Variants in LRFN5 observed in about 807,000 individuals in gnomAD.
LRFN5 encodes the protein leucine rich repeat and fibronectin type III domain containing 5.
A neutral mutation model predicts 45.6 loss-of-function variants in LRFN5; 24 were observed. That is an observed-to-expected ratio of 0.53 (90% CI 0.38 to 0.74). The LOEUF is 0.74. Among genes scored for constraint, LRFN5 ranks in the 30% least tolerant of loss-of-function variants. The pLI is 0.00. For missense variants in LRFN5, 776 were observed against 861.5 expected (o/e 0.90, Z 1.24); for synonymous variants, 340 against 313.8 (o/e 1.08, Z -0.88).
At chr14:41,619,835 T>C (rs1888057160) in intron 1 of LRFN5, among the ~76,000 whole-genome samples, 1 of 152,190 alleles carries the variant, frequency 6.6e-6, no homozygotes, top group East Asian at 1.9e-4. Context: ...ATGGGGCTAA[T>C]GTTGATGACC....
chr14:41,619,442 T>C (rs574748267), intron 1 of LRFN5, among the ~76,000 whole-genome samples: 2 of 152,182 alleles, frequency 1.3e-5, no homozygotes, highest in South Asian at 4.1e-4. Context: ...AGTGTTTGTA[T>C]TTTTAGTAAA....
At chr14:41,796,608 G>A (rs1293912421) in intron 2 of LRFN5, among the ~76,000 whole-genome samples, 1 of 151,674 alleles carries the variant, frequency 6.6e-6, no homozygotes, top group African/African-American at 2.4e-5. Context: ...ATTTTTGTTT[G>A]CATCTTATTA....
chr14:41,757,997 A>T (rs61992433), intron 1 of LRFN5, among the ~76,000 whole-genome samples: 23 of 152,066 alleles, frequency 1.5e-4, no homozygotes, highest in African/African-American at 4.1e-4. Context: ...GGACTATCCT[A>T]ATAGTATATT....
chr14:41,819,099 C>T (rs2139008631), intron 2 of LRFN5, among the ~76,000 whole-genome samples: 1 of 152,176 alleles, frequency 6.6e-6, no homozygotes, highest in East Asian at 1.9e-4. Context: ...TATAGTATTC[C>T]ATAGTATAAA....
intron 1 of LRFN5, among the ~76,000 whole-genome samples, chr14:41,611,288 G>T (rs528727220): frequency 9.2e-5 from 14 of 152,216 alleles, no homozygotes; most frequent in Non-Finnish European, 1.6e-4. Flanking sequence ...ATGCACAGAA[G>T]TTCCTAAGGC....
At chr14:41,837,683 T>TTTTTTTC (rs1888710872) in intron 2 of LRFN5, among the ~76,000 whole-genome samples, 3 of 152,278 alleles carry the variant, frequency 2.0e-5, no homozygotes, top group Admixed American at 2.0e-4. Context: ...GTTGTTCTTC[T>TTTTTTTC]AGAGACACTT....
At chr14:41,718,617 T>C (rs1279260999) in intron 1 of LRFN5, among the ~76,000 whole-genome samples, 1 of 152,198 alleles carries the variant, frequency 6.6e-6, no homozygotes, top group African/African-American at 2.4e-5. Context: ...CTCTCCGTGT[T>C]AGATGAGGTA....
intron 2 of LRFN5, among the ~76,000 whole-genome samples, chr14:41,844,970 T>C (rs983155778): frequency 6.6e-6 from 1 of 152,136 alleles, no homozygotes; most frequent in Non-Finnish European, 1.5e-5. Context: ...AGATTTTGGC[T>C]TCATGGAGGC....
At position 41,886,775 on chromosome 14, in the gene LRFN5, CAGA is replaced by C; in HGVS notation, c.155_157del (p.Arg52del). 6.2e-7 allele frequency: 1 copy of C among 1,614,092 alleles called. No individual in the cohort carries two copies. Among genetic ancestry groups the C allele is most frequent in the Non-Finnish European group, 8.5e-7 (1 of 1,180,022 alleles). Reference sequence around the variant, plus strand: ...TTTTATTTGTTCCACCAAACATTGACAGAAGAACTGTGGAACTGCGGTTGGCAG... The same window carrying C: ...TTTTATTTGTTCCACCAAACATTGACAGAACTGTGGAACTGCGGTTGGCAG... On this transcript the variant is annotated inframe_deletion, in exon 3 of 6. Coordinates refer to ENST00000298119, the MANE Select transcript of LRFN5 (RefSeq NM_152447.5).
chr14:41,616,310 G>A (rs2138547817), intron 1 of LRFN5, among the ~76,000 whole-genome samples: 1 of 152,186 alleles, frequency 6.6e-6, no homozygotes, highest in East Asian at 1.9e-4. Context: ...GGCATTTAAT[G>A]CATACTTGGA....
intron 2 of LRFN5, among the ~76,000 whole-genome samples, chr14:41,784,493 C>T (rs931360138): frequency 3.9e-5 from 6 of 151,952 alleles, no homozygotes; most frequent in Admixed American, 2.6e-4. Flanking sequence ...TTTTCTTCCT[C>T]GCAAAGACTC....
chr14:41,642,901 A>G (rs1163897135), intron 1 of LRFN5, among the ~76,000 whole-genome samples: 1 of 152,226 alleles, frequency 6.6e-6, no homozygotes, highest in Non-Finnish European at 1.5e-5. Flanking sequence ...ACACATAGTT[A>G]GCTGGTTAAA....
At chr14:41,624,207 A>G (rs765210651) in intron 1 of LRFN5, among the ~76,000 whole-genome samples, 5 of 152,078 alleles carry the variant, frequency 3.3e-5, no homozygotes, top group Non-Finnish European at 5.9e-5. Flanking sequence ...TGAAATATTT[A>G]ATATTTTAAG....
intron 1 of LRFN5, among the ~76,000 whole-genome samples, chr14:41,665,019 A>C (rs1354307898): frequency 1.3e-5 from 2 of 152,062 alleles, no homozygotes; most frequent in Non-Finnish European, 1.5e-5. Context: ...GACTTCTAAA[A>C]TGCTTATTTT....
chr14:41,757,735 C>T (rs539113818), intron 1 of LRFN5, among the ~76,000 whole-genome samples: 1 of 152,310 alleles, frequency 6.6e-6, no homozygotes, highest in East Asian at 1.9e-4. Flanking sequence ...CCTGCTTTGG[C>T]TCACGCTCGG....
intron 1 of LRFN5, among the ~76,000 whole-genome samples, chr14:41,740,295 G>C (rs58694176): frequency 0.17 from 25,417 of 151,814 alleles, 2,221 homozygotes; most frequent in Admixed American, 0.2. Context: ...AAATCCTCAA[G>C]AAAACTAGCA....
intron 1 of LRFN5, among the ~76,000 whole-genome samples, chr14:41,739,549 A>G (rs1884598982): frequency 1.3e-5 from 2 of 152,124 alleles, no homozygotes; most frequent in Admixed American, 1.3e-4. Flanking sequence ...ACCAAAACTT[A>G]TGGGATACAG....
chr14:41,759,240 A>G (rs1266150128), intron 1 of LRFN5, among the ~76,000 whole-genome samples: 1 of 152,138 alleles, frequency 6.6e-6, no homozygotes, highest in Non-Finnish European at 1.5e-5. Context: ...GCTTTTCAGA[A>G]TATTTGCAGT....
chr14:41,838,725 G>C (rs188134719), intron 2 of LRFN5, among the ~76,000 whole-genome samples: 92 of 152,216 alleles, frequency 6.0e-4, no homozygotes, highest in African/African-American at 2.2e-3. Flanking sequence ...GAGTGTCTTA[G>C]ATATGAATGA....
Sources: allele counts gnomAD v4.1 joint callset (sites outside exome capture counted in the v4.1 genomes callset), GRCh38; gene constraint gnomAD v4.1.1; transcripts MANE v1.5; gene names NCBI Gene and HGNC (gene_info 2026-07-23, HGNC 2026-07-21).